Variants in GALNTL6 observed in about 807,000 individuals in gnomAD.
GALNTL6 encodes polypeptide N-acetylgalactosaminyltransferase like 6.
Under a neutral mutation model 73.7 loss-of-function variants are expected in GALNTL6, and 46 were observed. The observed-to-expected ratio is 0.62, with a 90% CI of 0.49 to 0.80. The LOEUF (loss-of-function observed/expected upper bound fraction) is 0.80. Among genes scored for constraint, GALNTL6 ranks in the 30% least tolerant of loss-of-function variants. The probability of loss-of-function intolerance (pLI) is 0.00; values close to 1 mark genes in which losing one functional copy is unlikely to be tolerated. For missense variants in GALNTL6, 604 were observed against 755.0 expected (o/e 0.80, Z 2.34); for synonymous variants, 259 against 263.7 (o/e 0.98, Z 0.17).
intron 9 of GALNTL6, 110 bp downstream of exon 9, chr4:172,931,378 G>A: frequency 4.2e-6 from 3 of 712,034 alleles, no homozygotes; most frequent in Non-Finnish European, 7.7e-6. Flanking sequence ...TGTACAGAGA[G>A]CTCCTGTGCT....
chr4:172,753,076 A>G (rs1037380124), intron 5 of GALNTL6, among the ~76,000 whole-genome samples: 1 of 152,170 alleles, frequency 6.6e-6, no homozygotes, highest in African/African-American at 2.4e-5. Context: ...CTTGAATTGT[A>G]ATAATCCCCA....
intron 5 of GALNTL6, among the ~76,000 whole-genome samples, chr4:172,488,858 C>A (rs1017150206): frequency 6.6e-6 from 1 of 151,064 alleles, no homozygotes; most frequent in African/African-American, 2.4e-5. Flanking sequence ...GGGGTGGGTA[C>A]TAGTTCTGTG....
chr4:172,756,381 C>T (rs535681982), intron 5 of GALNTL6, among the ~76,000 whole-genome samples: 55 of 152,318 alleles, frequency 3.6e-4, no homozygotes, highest in African/African-American at 1.2e-3. Flanking sequence ...CTGTGGCTCA[C>T]GCCTGTAATC....
intron 2 of GALNTL6, among the ~76,000 whole-genome samples, chr4:171,903,495 G>C (rs930396675): frequency 6.6e-6 from 1 of 152,060 alleles, no homozygotes; most frequent in South Asian, 2.1e-4. Context: ...AGGGTCCCAC[G>C]CCCACGGAGT....
At chr4:171,967,589 T>C (rs1266496708) in intron 2 of GALNTL6, among the ~76,000 whole-genome samples, 2 of 152,152 alleles carry the variant, frequency 1.3e-5, no homozygotes, top group Non-Finnish European at 2.9e-5. Flanking sequence ...TATAATTTAT[T>C]AGACAACCAT....
At chr4:172,979,425 T>C (rs755338090) in intron 10 of GALNTL6, among the ~76,000 whole-genome samples, 2 of 152,180 alleles carry the variant, frequency 1.3e-5, no homozygotes, top group East Asian at 1.9e-4. Context: ...ATAAGAAAAC[T>C]GAATATGGAA....
intron 2 of GALNTL6, among the ~76,000 whole-genome samples, chr4:172,207,044 C>A (rs756687668): frequency 3.2e-4 from 48 of 151,444 alleles, no homozygotes; most frequent in Non-Finnish European, 6.3e-4. Flanking sequence ...ATCTCAATCT[C>A]CTGACCTCGT....
At chr4:172,210,924 T>C (rs1736303628) in intron 2 of GALNTL6, among the ~76,000 whole-genome samples, 1 of 152,222 alleles carries the variant, frequency 6.6e-6, no homozygotes, top group Non-Finnish European at 1.5e-5. Context: ...TTACCAAATA[T>C]TATTTTTTAA....
chr4:172,783,632 G>A (rs1198859623), intron 5 of GALNTL6, among the ~76,000 whole-genome samples: 2 of 151,782 alleles, frequency 1.3e-5, no homozygotes, highest in South Asian at 2.1e-4. Flanking sequence ...CTGGAAGCCA[G>A]AAGTTAATGA....
chr4:172,114,466 T>C (rs1169313857), intron 2 of GALNTL6, among the ~76,000 whole-genome samples: 2 of 151,982 alleles, frequency 1.3e-5, no homozygotes, highest in Non-Finnish European at 2.9e-5. Flanking sequence ...TATATATCTA[T>C]AGAAATAAAG....
intron 2 of GALNTL6, among the ~76,000 whole-genome samples, chr4:171,978,418 G>A (rs1451773371): frequency 6.6e-6 from 1 of 152,084 alleles, no homozygotes; most frequent in African/African-American, 2.4e-5. Flanking sequence ...ATCAGAAAAG[G>A]AGGGTGTTTA....
At chr4:172,435,103 A>G (rs952517327) in intron 5 of GALNTL6, among the ~76,000 whole-genome samples, 4 of 152,130 alleles carry the variant, frequency 2.6e-5, no homozygotes, top group African/African-American at 9.7e-5. Context: ...TTTCCCTGAC[A>G]TTGTTAAAAT....
chr4:172,594,964 G>T (rs925078555), intron 5 of GALNTL6, among the ~76,000 whole-genome samples: 11 of 152,208 alleles, frequency 7.2e-5, no homozygotes, highest in African/African-American at 2.2e-4. Flanking sequence ...AAGAGGTCAG[G>T]GTGGCCCCGT....
chr4:172,792,342 T>TGC (rs1740041494), intron 5 of GALNTL6, among the ~76,000 whole-genome samples: 1 of 40,710 alleles, frequency 2.5e-5, no homozygotes, highest in African/African-American at 7.9e-5. Flanking sequence ...TGTATATATA[T>TGC]ACACGTGTGT....
chr4:172,519,942 T>C (rs1440815415), intron 5 of GALNTL6, among the ~76,000 whole-genome samples: 2 of 151,900 alleles, frequency 1.3e-5, no homozygotes, highest in Non-Finnish European at 2.9e-5. Flanking sequence ...AGACTTCTCC[T>C]TGGGCCAAAC....
At chr4:172,783,428 C>A (rs1739480994) in intron 5 of GALNTL6, among the ~76,000 whole-genome samples, 1 of 146,536 alleles carries the variant, frequency 6.8e-6, no homozygotes, top group Admixed American at 6.9e-5. Flanking sequence ...ATAATATATA[C>A]TATTTATAAC....
chr4:172,960,430 A>G (rs569885701), intron 10 of GALNTL6, among the ~76,000 whole-genome samples: 4 of 152,228 alleles, frequency 2.6e-5, no homozygotes, highest in Non-Finnish European at 5.9e-5. Context: ...GCAGAGGCTA[A>G]GGAAGAATTG....
chr4:173,034,219 T>C (rs887555106), intron 12 of GALNTL6, among the ~76,000 whole-genome samples: 6 of 152,186 alleles, frequency 3.9e-5, no homozygotes, highest in African/African-American at 1.4e-4. Flanking sequence ...TCTGAATCAT[T>C]GCGGTAGCCT....
intron 2 of GALNTL6, among the ~76,000 whole-genome samples, chr4:172,191,444 C>T (rs1735582248): frequency 6.6e-6 from 1 of 152,114 alleles, no homozygotes; most frequent in African/African-American, 2.4e-5. Flanking sequence ...TGGTCATTAG[C>T]TCTTTGCTGG....
Sources: gnomAD v4.1 joint callset for allele counts (sites outside exome capture counted in the v4.1 genomes callset) on GRCh38, gnomAD v4.1.1 for gene constraint, MANE v1.5 for transcripts, NCBI Gene and HGNC (gene_info 2026-07-23, HGNC 2026-07-21) for gene names.